TRAPPC9: variants seen among roughly 807,000 people sequenced by gnomAD.
The protein encoded by TRAPPC9 is IKK2 binding protein.
In TRAPPC9, 83 loss-of-function variants were observed where a neutral mutation model predicts 124.0. The ratio of observed to expected loss-of-function variants is 0.67; its 90% confidence interval spans 0.56 to 0.80. The LOEUF is 0.80. Ranked by LOEUF, TRAPPC9 falls within the 30% of genes least tolerant of loss-of-function variation. The pLI, the probability that TRAPPC9 is intolerant of heterozygous loss-of-function variation, is 0.00. For missense variants in TRAPPC9, 1,302 were observed against 1,508.3 expected (o/e 0.86, Z 2.27); for synonymous variants, 638 against 617.5 (o/e 1.03, Z -0.49).
intron 17 of TRAPPC9, among the ~76,000 whole-genome samples, chr8:140,064,839 T>C (rs1241951741): frequency 2.6e-5 from 4 of 152,172 alleles, no homozygotes; most frequent in African/African-American, 4.8e-5. Flanking sequence ...GCTGCTAGTA[T>C]ACAAAAGACT....
intron 17 of TRAPPC9, among the ~76,000 whole-genome samples, chr8:140,132,325 A>T (rs148461804): frequency 1.5e-3 from 236 of 152,370 alleles, no homozygotes; most frequent in African/African-American, 4.5e-3. Context: ...AGGGGCCGAA[A>T]CCACGTAAGA....
At chr8:140,422,510 T>C (rs971516951) in intron 5 of TRAPPC9, among the ~76,000 whole-genome samples, 1 of 151,960 alleles carries the variant, frequency 6.6e-6, no homozygotes, top group African/African-American at 2.4e-5. Flanking sequence ...TCCCAACACT[T>C]TGGGAGGCCG....
At chr8:139,765,319 A>G (rs550376796) in intron 21 of TRAPPC9, among the ~76,000 whole-genome samples, 1 of 152,322 alleles carries the variant, frequency 6.6e-6, no homozygotes, top group South Asian at 2.1e-4. Context: ...TGGGATTCCT[A>G]AAGCTCCCCC....
intron 17 of TRAPPC9, among the ~76,000 whole-genome samples, chr8:140,111,712 A>G (rs547231737): frequency 5.9e-4 from 90 of 152,382 alleles, no homozygotes; most frequent in South Asian, 1.2e-3. Context: ...AAATGGAGGT[A>G]AAGCAGAAAG....
At position 140,300,495 on chromosome 8, in the gene TRAPPC9, C is replaced by T. The variant is rs142329665; in HGVS notation, c.1742G>A (p.Arg581His). 9.3e-6 allele frequency: 15 copies of T among 1,614,060 alleles called. No homozygotes were observed. Among genetic ancestry groups the T allele is most frequent in the Non-Finnish European group, 1.2e-5 (14 of 1,180,040 alleles). The change falls in exon 11 of 23, where the codon CGT (arginine) becomes CAT (histidine). Residue 581 changes from arginine (R) to histidine (H), a missense_variant. Around this residue, in one of 3 missense-constraint regions of TRAPPC9, gnomAD observed 657 missense variants for 811.2 expected, o/e 0.81. Coordinates refer to ENST00000438773, the MANE Select transcript of TRAPPC9 (RefSeq NM_001160372.4). Reference sequence around the variant, plus strand: ...TATTTTCTTGTTCCGCTCTTCTCCACGGTTGTGTGCGATAATTGGTGAATA... The same window carrying T: ...TATTTTCTTGTTCCGCTCTTCTCCATGGTTGTGTGCGATAATTGGTGAATA... ...FIYSPIIAHN[R>H]GEERNKKIDF...
rs551649758 is a variant in TRAPPC9, at chr8:139,742,559, G to A, written c.3056-10357C>T. 6.6e-6 allele frequency among the ~76,000 whole-genome samples: 1 copy of A among 152,334 alleles called. No individual in the cohort carries two copies. The highest frequency in any genetic ancestry group is 2.1e-4 in the South Asian group (1 of 4,826). The stretch of plus-strand genomic sequence containing the variant: ...GGACCAGGCAAGTCAGGGGCCACCA[G>A]AGAGGGTCAGGACCCAAACTTTGGG... On this transcript the variant is annotated intron_variant, in intron 21 of 22. Coordinates refer to ENST00000438773, the MANE Select transcript of TRAPPC9 (RefSeq NM_001160372.4). This position sits in a 1 kb window ranked among gnomAD's most constrained non-coding sequence, Gnocchi z 4.7.
chr8:139,810,799 T>C (rs965387262), intron 21 of TRAPPC9, among the ~76,000 whole-genome samples: 7 of 152,142 alleles, frequency 4.6e-5, no homozygotes, highest in Admixed American at 4.6e-4. Flanking sequence ...GGATCTCCTC[T>C]GGCCAGGCCA....
At chr8:140,071,661 C>G (rs538501168) in intron 17 of TRAPPC9, among the ~76,000 whole-genome samples, 2 of 152,250 alleles carry the variant, frequency 1.3e-5, no homozygotes, top group East Asian at 3.9e-4. Flanking sequence ...CCCACAGGGT[C>G]TCTGGGGGTT....
At chr8:139,761,002 T>A (rs1820182304) in intron 21 of TRAPPC9, among the ~76,000 whole-genome samples, 1 of 152,228 alleles carries the variant, frequency 6.6e-6, no homozygotes, top group African/African-American at 2.4e-5. Flanking sequence ...GTCTCTGCAC[T>A]TCCTGACTTG....
At position 139,763,847 on chromosome 8, in the gene TRAPPC9, G is replaced by C. The variant is rs58564776; in HGVS notation, c.3056-31645C>G. Among the ~76,000 whole-genome samples, 1,137 of 152,358 alleles carry C rather than the reference G, an allele frequency of 7.5e-3. 17 individuals are homozygous for C. Among genetic ancestry groups the C allele is most frequent in the African/African-American group, 0.026 (1,091 of 41,580 alleles). ...GTTCCAGCAGGCCAGTGATGGAGCA[G>C]GCATAGTGTGGAAGGGGTCAGGTGT... On this transcript the variant is annotated intron_variant, in intron 21 of 22. Transcript: ENST00000438773.
intron 21 of TRAPPC9, among the ~76,000 whole-genome samples, chr8:139,829,289 G>A (rs1043796204): frequency 2.6e-5 from 4 of 152,224 alleles, no homozygotes; most frequent in Non-Finnish European, 4.4e-5. Context: ...TAAAGCCATC[G>A]TCTCCTTTAC....
chr8:140,059,207 G>A (rs1842448956), intron 17 of TRAPPC9, among the ~76,000 whole-genome samples: 1 of 152,080 alleles, frequency 6.6e-6, no homozygotes, highest in African/African-American at 2.4e-5. Context: ...TCATATAAAT[G>A]GAATCATAAC....
intron 22 of TRAPPC9, among the ~76,000 whole-genome samples, chr8:139,731,484 T>A (rs1166248450): frequency 6.7e-6 from 1 of 149,732 alleles, no homozygotes; most frequent in East Asian, 2.0e-4. Flanking sequence ...GGGTCAGGAG[T>A]GTGGGAGGGA....
intron 17 of TRAPPC9, among the ~76,000 whole-genome samples, chr8:140,034,554 G>A (rs1165808627): frequency 6.6e-6 from 1 of 152,222 alleles, no homozygotes. Context: ...CTCACTGCGG[G>A]CAGGGACCAT....
Position 139,948,248 on chromosome 8 carries a change from AACACACACACACACACACAC to A in TRAPPC9, c.2811-37968_2811-37949del, listed in dbSNP as rs141771160. ...CTGAGTGGGGGAAGATGGTTCATAA[AACACACACACACACACACAC>A]ACACACACACACACACACACACACA... On this transcript the variant is annotated intron_variant, in intron 19 of 22. Transcript: ENST00000438773. Among the ~76,000 whole-genome samples, 287 of 144,694 alleles carry A rather than the reference AACACACACACACACACACAC, an allele frequency of 2.0e-3. 7 individuals are homozygous for A. In the East Asian group the frequency reaches 0.044, roughly 22 times the overall value. 94.9% of individuals were successfully genotyped at this position (144,694 alleles called of 152,430 possible). A position where few individuals can be genotyped will look rare whatever the true frequency, so the allele number is the denominator to read the frequency against.
chr8:140,419,155 G>A (rs2070066865), intron 5 of TRAPPC9, among the ~76,000 whole-genome samples: 3 of 152,180 alleles, frequency 2.0e-5, no homozygotes, highest in African/African-American at 4.8e-5. Flanking sequence ...TTGGCCGGGC[G>A]CGGTGACTCG....
chr8:140,065,191 C>G (rs1027510052), intron 17 of TRAPPC9, among the ~76,000 whole-genome samples: 1 of 152,202 alleles, frequency 6.6e-6, no homozygotes, highest in Non-Finnish European at 1.5e-5. Context: ...CCCTAACTCT[C>G]TTTAATTCTA....
intron 17 of TRAPPC9, among the ~76,000 whole-genome samples, chr8:140,079,016 A>C (rs992636416): frequency 3.3e-5 from 5 of 152,090 alleles, no homozygotes; most frequent in Admixed American, 6.6e-5. Flanking sequence ...ACCCAGTGGG[A>C]GGTAACTGAA....
chr8:140,009,875 G>C (rs113791732), intron 18 of TRAPPC9, among the ~76,000 whole-genome samples: 2 of 152,188 alleles, frequency 1.3e-5, no homozygotes, highest in East Asian at 3.9e-4. Flanking sequence ...GCTGTCTTCA[G>C]TGCCTAGGAC....
Sources: allele counts gnomAD v4.1 joint callset (sites outside exome capture counted in the v4.1 genomes callset), GRCh38; gene constraint gnomAD v4.1.1; regional missense constraint gnomAD v4.1.1; non-coding constraint Gnocchi (gnomAD v3.1); transcripts MANE v1.5; gene names NCBI Gene and HGNC (gene_info 2026-07-23, HGNC 2026-07-21).